BMPR1B: variants seen among roughly 807,000 people sequenced by gnomAD.
BMPR1B encodes bone morphogenetic protein receptor type-1B.
BMPR1B carries 12 observed loss-of-function variants against 59.1 expected under a neutral mutation model. That is an observed-to-expected ratio of 0.20 (90% CI 0.13 to 0.33). The LOEUF (loss-of-function observed/expected upper bound fraction) is 0.33. BMPR1B is among the 10% of genes least tolerant of loss of function. The pLI, the probability that BMPR1B is intolerant of heterozygous loss-of-function variation, is 1.00. For missense variants in BMPR1B, 550 were observed against 610.9 expected (o/e 0.90, Z 1.05); for synonymous variants, 237 against 207.3 (o/e 1.14, Z -1.23).
intron 1 of BMPR1B, among the ~76,000 whole-genome samples, chr4:94,859,551 A>G (rs11932515): frequency 0.032 from 4,813 of 152,150 alleles, 163 homozygotes; most frequent in African/African-American, 0.079. Context: ...GTGCATATGT[A>G]TTTTTAGAAT....
intron 1 of BMPR1B, among the ~76,000 whole-genome samples, chr4:94,827,394 T>G (rs1724421848): frequency 6.6e-6 from 1 of 152,214 alleles, no homozygotes; most frequent in Non-Finnish European, 1.5e-5. Context: ...CTCAAATATA[T>G]GTATATAAAG....
At chr4:94,805,922 C>T (rs1382757252) in intron 1 of BMPR1B, among the ~76,000 whole-genome samples, 1 of 152,004 alleles carries the variant, frequency 6.6e-6, no homozygotes, top group Non-Finnish European at 1.5e-5. Flanking sequence ...AAAATTGTAG[C>T]CAGTAATAAC....
intron 1 of BMPR1B, among the ~76,000 whole-genome samples, chr4:94,823,064 T>C (rs1578683575): frequency 6.6e-6 from 1 of 152,162 alleles, no homozygotes; most frequent in South Asian, 2.1e-4. Flanking sequence ...GGCAAACATT[T>C]CCACAGGCAG....
rs1242695969 is a variant in BMPR1B at position 95,093,033 on chromosome 4, C to A, written c.-17-11375C>A. ...TGTCAAAGAGACCACGGTTCAGTTT[C>A]TTTTCTAACAATGTGGAGCTGAATT... is the stretch of plus-strand genomic sequence containing the variant. On this transcript the variant is annotated intron_variant, in intron 3 of 12. Coordinates refer to ENST00000515059, the MANE Select transcript of BMPR1B (RefSeq NM_001203.3). Among the ~76,000 whole-genome samples the A allele has an allele frequency of 6.6e-5, 10 of 152,148 alleles. 1 individual carries two copies. The South Asian group carries it at 1.9e-3, about 28-fold the overall frequency.
intron 3 of BMPR1B, among the ~76,000 whole-genome samples, chr4:95,041,275 C>A (rs963931963): frequency 6.6e-6 from 1 of 152,028 alleles, no homozygotes; most frequent in African/African-American, 2.4e-5. Context: ...TCTTGAACTT[C>A]CGGGCTCAAG....
chr4:95,100,185 A>G (rs972774584), intron 3 of BMPR1B, among the ~76,000 whole-genome samples: 11 of 152,094 alleles, frequency 7.2e-5, no homozygotes, highest in Non-Finnish European at 1.3e-4. Context: ...TACCTATTCC[A>G]TCTTTTTTCT....
chr4:95,053,203 A>G (rs1726636447), intron 3 of BMPR1B, among the ~76,000 whole-genome samples: 1 of 152,036 alleles, frequency 6.6e-6, no homozygotes, highest in South Asian at 2.1e-4. Flanking sequence ...GGAAGTTGAC[A>G]TCCAGAGACA....
chr4:94,923,487 A>G (rs1728778761), intron 2 of BMPR1B, among the ~76,000 whole-genome samples: 1 of 152,138 alleles, frequency 6.6e-6, no homozygotes, highest in Non-Finnish European at 1.5e-5. Context: ...ACTCAAGGTA[A>G]TGACTAGCAG....
chr4:94,895,709 A>G (rs771842070), intron 2 of BMPR1B, among the ~76,000 whole-genome samples: 13 of 151,684 alleles, frequency 8.6e-5, no homozygotes, highest in Non-Finnish European at 1.3e-4. Flanking sequence ...GCATATAATT[A>G]TTAAACAAAA....
intron 2 of BMPR1B, among the ~76,000 whole-genome samples, chr4:94,917,803 G>A (rs1387858084): frequency 6.6e-6 from 1 of 152,096 alleles, no homozygotes; most frequent in East Asian, 1.9e-4. Flanking sequence ...GGGCCAGGGC[G>A]GAATAATACA....
rs150974461 is a variant in BMPR1B at position 95,104,435 on chromosome 4, G to C, written c.11G>C (p.Arg4Pro). 1.5e-5 allele frequency: 25 copies of C among 1,612,964 alleles called. No homozygotes were observed. Among genetic ancestry groups the C allele is most frequent in the Non-Finnish European group, 5.1e-6 (6 of 1,179,498 alleles). The change falls in exon 4 of 13, where the codon CGA becomes CCA. Residue 4 changes from arginine (R) to proline (P), a missense_variant. This residue lies in a region of BMPR1B where 43 missense variants were observed against 35.4 expected (regional missense o/e 1.22). Coordinates refer to ENST00000515059, the MANE Select transcript of BMPR1B (RefSeq NM_001203.3). MLL[R>P]SAGKLNVGTK... ...AACTTCCTTGATAACATGCTTTTGC[G>C]AAGTGCAGGAAAATTAAATGTGGGC... is the stretch of plus-strand genomic sequence containing the variant.
chr4:95,069,479 T>C (rs1728109088), intron 3 of BMPR1B, among the ~76,000 whole-genome samples: 1 of 152,204 alleles, frequency 6.6e-6, no homozygotes, highest in Non-Finnish European at 1.5e-5. Flanking sequence ...TTTCCCCTTT[T>C]CTTTACAACT....
chr4:94,866,096 A>C (rs1726227678), intron 1 of BMPR1B, among the ~76,000 whole-genome samples: 1 of 152,206 alleles, frequency 6.6e-6, no homozygotes, highest in African/African-American at 2.4e-5. Flanking sequence ...CATAGTCCCT[A>C]GCTTTCTAGG....
At chr4:94,858,211 A>G (rs1725845989) in intron 1 of BMPR1B, among the ~76,000 whole-genome samples, 1 of 152,100 alleles carries the variant, frequency 6.6e-6, no homozygotes, top group Non-Finnish European at 1.5e-5. Context: ...CGGCCTCCCA[A>G]AATGCTGGGA....
rs375391950 is a variant in BMPR1B at position 94,806,944 on chromosome 4, T to G, written c.-183+48876T>G. ...TCTTTTTCTTATTAAAGATATTTTA[T>G]TAAATAAGTTCATAATAAATAATAA... On this transcript the variant is annotated intron_variant, in intron 1 of 12. Transcript: ENST00000515059. Among the ~76,000 whole-genome samples, 14 of 152,256 alleles carry G rather than the reference T, an allele frequency of 9.2e-5. No homozygotes were observed. In the South Asian group the frequency reaches 1.9e-3, roughly 20 times the overall value.
chr4:95,135,378 G>A (rs1472582786), intron 10 of BMPR1B, among the ~76,000 whole-genome samples: 2 of 152,068 alleles, frequency 1.3e-5, no homozygotes, highest in African/African-American at 2.4e-5. Context: ...CTTTAAAGTA[G>A]TTTTTTCCAA....
intron 6 of BMPR1B, among the ~76,000 whole-genome samples, chr4:95,119,295 G>A (rs1732301386): frequency 6.6e-6 from 1 of 152,176 alleles, no homozygotes; most frequent in Non-Finnish European, 1.5e-5. Context: ...GTGTGTTACA[G>A]TGTTTGGATG....
intron 6 of BMPR1B, among the ~76,000 whole-genome samples, chr4:95,116,421 G>GCGCGCGCGCGCGCGCGCGCA: frequency 8.1e-6 from 1 of 123,198 alleles, no homozygotes; most frequent in Admixed American, 8.2e-5. Flanking sequence ...TTCAGCGCGC[G>GCGCGCGCGCGCGCGCGCGCA]CACACACACA....
chr4:94,764,678 A>G (rs1448656315), intron 1 of BMPR1B, among the ~76,000 whole-genome samples: 1 of 152,120 alleles, frequency 6.6e-6, no homozygotes, highest in African/African-American at 2.4e-5. Flanking sequence ...CCCAAATTAT[A>G]TGCTTCTGTC....
Sources: allele counts gnomAD v4.1 joint callset (sites outside exome capture counted in the v4.1 genomes callset), GRCh38; gene constraint gnomAD v4.1.1; regional missense constraint gnomAD v4.1.1; transcripts MANE v1.5; gene names NCBI Gene and HGNC (gene_info 2026-07-23, HGNC 2026-07-21).